The following SDK2 variants were observed in gnomAD, a reference collection of about 807,000 sequenced individuals.
SDK2 encodes protein sidekick-2.
A neutral mutation model predicts 253.9 loss-of-function variants in SDK2; 105 were observed. The ratio of observed to expected loss-of-function variants is 0.41; its 90% confidence interval spans 0.35 to 0.49. The LOEUF (loss-of-function observed/expected upper bound fraction) is 0.49, where lower values mean the gene tolerates loss of function less well. Ranked by LOEUF, SDK2 falls within the 20% of genes least tolerant of loss-of-function variation. The probability of loss-of-function intolerance (pLI) is 0.06; values close to 1 mark genes in which losing one functional copy is unlikely to be tolerated. For missense variants in SDK2, 2,608 were observed against 3,003.0 expected, an observed-to-expected ratio of 0.87 and a Z score of 3.07; for synonymous variants, 1,249 against 1,234.9, an observed-to-expected ratio of 1.01 and a Z score of -0.24.
chr17:73,595,429 G>A (rs866934711), intron 1 of SDK2, among the ~76,000 whole-genome samples: 88 of 152,270 alleles, frequency 5.8e-4, no homozygotes, highest in African/African-American at 2.0e-3. Context: ...GCCTGGGAAG[G>A]AGGCCCTTGT....
intron 16 of SDK2, among the ~76,000 whole-genome samples, chr17:73,417,976 T>C (rs961087712): frequency 1.3e-5 from 2 of 149,906 alleles, no homozygotes; most frequent in African/African-American, 4.9e-5. Context: ...ACTGCTTCTC[T>C]AAACCTGAAG....
chr17:73,395,509 A>T lies in SDK2; in HGVS notation c.3355-117T>A. The T allele has an allele frequency of 1.4e-6, 1 of 730,620 alleles. No homozygotes were observed. Among genetic ancestry groups the T allele is most frequent in the Non-Finnish European group, 2.3e-6 (1 of 434,932 alleles). The allele number at this position is 730,620 out of a possible 1,614,324, so 45.3% of individuals were successfully genotyped here. A position where few individuals can be genotyped will look rare whatever the true frequency, so the allele number is the denominator to read the frequency against. On this transcript the variant is annotated intron_variant, in intron 24 of 44. Transcript: ENST00000392650. The surrounding 1 kb of genome is among the most constrained non-coding windows in gnomAD (Gnocchi z 4.3). Reference sequence around the variant, plus strand: ...CTTCAGGGCTATCCATCCCACTGTCACCCGGTCAGTGTCCACATGAGGCTC... The same window carrying T: ...CTTCAGGGCTATCCATCCCACTGTCTCCCGGTCAGTGTCCACATGAGGCTC...
At position 73,335,698 on chromosome 17, in the gene SDK2, A is replaced by G. The variant is rs1207928390; in HGVS notation, c.*2889T>C. The G allele has an allele frequency of 6.6e-6, 1 of 152,228 alleles. No homozygotes were observed. Among genetic ancestry groups the G allele is most frequent in the African/African-American group, 2.4e-5 (1 of 41,446 alleles). The allele number at this position is 152,228 out of a possible 1,614,324, so 9.4% of individuals were successfully genotyped here. A position where few individuals can be genotyped will look rare whatever the true frequency, so the allele number is the denominator to read the frequency against. ...CCAGCCTGATCTCATGGGCTTGTCTAAATTTGCGTGGTGTCCTCACCCTCT... is the reference window on the plus strand; with the variant it reads ...CCAGCCTGATCTCATGGGCTTGTCTGAATTTGCGTGGTGTCCTCACCCTCT... On this transcript the variant is annotated 3_prime_UTR_variant, in exon 45 of 45. Transcript: ENST00000392650.
At position 73,358,168 on chromosome 17, in the gene SDK2, C is replaced by G; in HGVS notation, c.5504G>C (p.Arg1835Pro). The change falls in exon 40 of 45, where the codon CGG becomes CCG. Residue 1835 changes from arginine (R) to proline (P), a missense_variant. Arg to Pro is a moderately radical substitution (Grantham distance 103). Transcript: ENST00000392650. Reference protein sequence around the residue: ...PGPPGVPIIVRYSSAIAIHWS... With the variant: ...PGPPGVPIIVPYSSAIAIHWS... ...GTGAATGGCGATGGCAGAGCTGTAC[C>G]GCACGATGATGGGCACGCCAGGCGG... 1 of 1,610,540 alleles carries G rather than the reference C, an allele frequency of 6.2e-7. No individual in the cohort carries two copies. The highest frequency in any genetic ancestry group is 1.3e-5 in the African/African-American group (1 of 74,886).
At chr17:73,601,872 T>C (rs1160291848) in intron 1 of SDK2, among the ~76,000 whole-genome samples, 1 of 151,966 alleles carries the variant, frequency 6.6e-6, no homozygotes. Context: ...GGCTCCCGAG[T>C]AGCTGGGATT....
At chr17:73,523,813 C>T (rs536011143) in intron 1 of SDK2, among the ~76,000 whole-genome samples, 1 of 151,994 alleles carries the variant, frequency 6.6e-6, no homozygotes, top group South Asian at 2.1e-4. Flanking sequence ...GAGCCCCTTT[C>T]TCTATGCAGG....
intron 2 of SDK2, among the ~76,000 whole-genome samples, chr17:73,483,307 C>CTTTT (rs3070666): frequency 4.3e-5 from 5 of 116,928 alleles, no homozygotes; most frequent in Admixed American, 9.2e-5. Flanking sequence ...CAAGACAGAA[C>CTTTT]TTTTTTTTTT....
intron 1 of SDK2, among the ~76,000 whole-genome samples, chr17:73,640,760 G>A (rs1357645704): frequency 6.6e-6 from 1 of 152,176 alleles, no homozygotes; most frequent in African/African-American, 2.4e-5. Flanking sequence ...GGGGGTTCCA[G>A]TCCTCTTTCA....
At chr17:73,620,006 C>T (rs1350305717) in intron 1 of SDK2, among the ~76,000 whole-genome samples, 1 of 152,096 alleles carries the variant, frequency 6.6e-6, no homozygotes, top group East Asian at 1.9e-4. Context: ...CAAGACCAGC[C>T]TGGGCAACAT....
chr17:73,599,202 G>A (rs1188723514), intron 1 of SDK2, among the ~76,000 whole-genome samples: 2 of 152,214 alleles, frequency 1.3e-5, no homozygotes, highest in Admixed American at 6.5e-5. Flanking sequence ...CGTACAGAAG[G>A]AGGAAGGTAG....
chr17:73,451,915 G>C (rs922366152), intron 4 of SDK2, among the ~76,000 whole-genome samples: 31 of 152,180 alleles, frequency 2.0e-4, no homozygotes, highest in African/African-American at 7.0e-4. Context: ...GGGGGACACA[G>C]ACAGCAGAAT....
chr17:73,339,742 T>C (rs1332297988), intron 44 of SDK2, among the ~76,000 whole-genome samples: 2 of 152,074 alleles, frequency 1.3e-5, no homozygotes, highest in African/African-American at 4.8e-5. Context: ...TTTTCTCTTG[T>C]GATGAGCTCT....
chr17:73,386,362 C>T, intron 31 of SDK2, 83 bp downstream of exon 31: 1 of 995,322 alleles, frequency 1.0e-6, no homozygotes, highest in Non-Finnish European at 1.5e-6. Context: ...TCTTTGGAGG[C>T]CCCTCCCCCC....
At chr17:73,615,308 C>T (rs1486848253) in intron 1 of SDK2, among the ~76,000 whole-genome samples, 3 of 152,276 alleles carry the variant, frequency 2.0e-5, no homozygotes, top group Non-Finnish European at 4.4e-5. Flanking sequence ...CTGAATTGGC[C>T]ACTAGCAGAG....
At chr17:73,427,886 T>C (rs1352733769) in intron 12 of SDK2, among the ~76,000 whole-genome samples, 1 of 152,190 alleles carries the variant, frequency 6.6e-6, no homozygotes, top group African/African-American at 2.4e-5. Flanking sequence ...TGCTCTTTGA[T>C]AGACACTTTC....
intron 18 of SDK2, among the ~76,000 whole-genome samples, chr17:73,405,749 T>C (rs2063071995): frequency 6.7e-6 from 1 of 149,322 alleles, no homozygotes. Context: ...AGACAGAGTC[T>C]CGCTCTGTCG....
In SDK2 at chr17:73,638,966, C is replaced by T. The variant is rs564657103; in HGVS notation, c.64+5059G>A. Among the ~76,000 whole-genome samples, 35 of 152,058 alleles carry T rather than the reference C, an allele frequency of 2.3e-4. No individual in the cohort carries two copies. The East Asian group carries it at 5.7e-3, about 25-fold the overall frequency. ...TTTGGACTATAGGCTCCCACTACCA[C>T]GCCTGGCTAATTTTTTCATTTTTAA... is the stretch of plus-strand genomic sequence containing the variant. On this transcript the variant is annotated intron_variant, in intron 1 of 44. Transcript: ENST00000392650.
chr17:73,359,540 G>C (rs1319869192), intron 39 of SDK2, among the ~76,000 whole-genome samples: 13 of 152,200 alleles, frequency 8.5e-5, no homozygotes. Flanking sequence ...GACAGAGCCT[G>C]CACCTTCTCC....
intron 41 of SDK2, among the ~76,000 whole-genome samples, chr17:73,351,858 CA>C (rs1425255840): frequency 6.6e-6 from 1 of 151,900 alleles, no homozygotes; most frequent in African/African-American, 2.4e-5. Flanking sequence ...CAATGTGTGG[CA>C]GGGGGAGGAG....
Sources: gnomAD v4.1 joint callset for allele counts (sites outside exome capture counted in the v4.1 genomes callset) on GRCh38, gnomAD v4.1.1 for gene constraint, Gnocchi (gnomAD v3.1) non-coding constraint, MANE v1.5 for transcripts, NCBI Gene and HGNC (gene_info 2026-07-23, HGNC 2026-07-21) for gene names.